CDC37: variants seen among roughly 807,000 people sequenced by gnomAD.
The protein encoded by CDC37 is cell division cycle 37, HSP90 cochaperone.
A neutral mutation model predicts 46.9 loss-of-function variants in CDC37; 9 were observed. The observed-to-expected ratio is 0.19, with a 90% confidence interval of 0.12 to 0.33. The LOEUF is 0.33. Among genes scored for constraint, CDC37 ranks in the 10% least tolerant of loss-of-function variants. The probability of loss-of-function intolerance (pLI) is 1.00; values close to 1 mark genes in which losing one functional copy is unlikely to be tolerated. For synonymous variants in CDC37, 193 were observed against 191.0 expected (o/e 1.01, Z -0.09); for missense variants, 388 against 514.6 (o/e 0.75, Z 2.38).
chr19:10,399,463 G>GGAA (rs1297984577), intron 1 of CDC37, among the ~76,000 whole-genome samples: 1,042 of 38,232 alleles, frequency 0.027, 36 homozygotes, highest in African/African-American at 0.039. Context: ...GACCCTGTCT[G>GGAA]AAAAAAAAAA....
At position 10,395,261 on chromosome 19, in the gene CDC37, C is replaced by T; in HGVS notation, c.570G>A (p.Leu190=). The change falls in exon 4 of 8, where the codon CTG becomes CTA. Residue 190 remains leucine, a synonymous_variant. Coordinates refer to ENST00000222005, the MANE Select transcript of CDC37 (RefSeq NM_007065.4). ...CCTCTAGGTCAATGCACCAAATGAC[C>T]AGGTAATTGGCTGTCTCCTCGCACA... ...HLVCEETANY[L]VIWCIDLEVE... 6.2e-7 allele frequency: 1 copy of T among 1,614,110 alleles called. No individual in the cohort carries two copies. Among genetic ancestry groups the T allele is most frequent in the South Asian group, 1.1e-5 (1 of 91,080 alleles).
intron 1 of CDC37, among the ~76,000 whole-genome samples, chr19:10,401,199 C>T (rs1472153502): frequency 6.6e-6 from 1 of 152,186 alleles, no homozygotes; most frequent in Non-Finnish European, 1.5e-5. Context: ...GCCATATTAT[C>T]CCAGGTTTCA....
At position 10,391,615 on chromosome 19, in the gene CDC37, C is replaced by T. The variant is rs543529571; in HGVS notation, c.1073G>A (p.Gly358Asp). Residue 358 changes from glycine (G) to aspartate (D), a missense_variant, in exon 8 of 8, where the codon GGT becomes GAT. By Grantham distance (94) the Gly-to-Asp change is moderately conservative. This residue lies in a region of CDC37 where 374 missense variants were observed against 467.4 expected (regional missense o/e 0.80). Coordinates refer to ENST00000222005, the MANE Select transcript of CDC37 (RefSeq NM_007065.4). Reference sequence around the variant, plus strand: ...AGCTTCCAGTAATGGGTCCCCAGGACCTGCCTCCTCTCCCTCCTTGGCCTC... The same window carrying T: ...AGCTTCCAGTAATGGGTCCCCAGGATCTGCCTCCTCTCCCTCCTTGGCCTC... ...ASEAKEGEEA[G>D]PGDPLLEAVP... The T allele has an allele frequency of 8.1e-6, 13 of 1,614,238 alleles. No individual in the cohort carries two copies. Among genetic ancestry groups the T allele is most frequent in the Admixed American group, 3.3e-5 (2 of 60,032 alleles).
rs7254501 is a variant in CDC37, at chr19:10,393,786, G to A, written c.727-345C>T. 1.3e-5 allele frequency: 3 copies of A among 239,224 alleles called. No homozygotes were observed. The highest frequency in any genetic ancestry group is 5.2e-5 in the Admixed American group (1 of 19,210). 14.8% of individuals were successfully genotyped at this position (239,224 alleles called of 1,614,324 possible). On this transcript the variant is annotated intron_variant, in intron 5 of 7. Transcript: ENST00000222005. This position sits in a 1 kb window ranked among gnomAD's most constrained non-coding sequence, Gnocchi z 4.9. ...AGGATAGCCCTGTTCCTCCAGGTAC[G>A]CAGGTTAAAAATCCTAGAGGCTAGG...
rs1466781763 is a variant in CDC37, at chr19:10,397,000, C to T, written c.103-797G>A. Among the ~76,000 whole-genome samples, 2 of 152,152 alleles carry T rather than the reference C, an allele frequency of 1.3e-5. No homozygotes were observed. The highest frequency in any genetic ancestry group is 2.9e-5 in the Non-Finnish European group (2 of 68,030). ...CCATCTGGGCTCCATGTTGCCTTAG[C>T]GAGGACCCCTTCCCCAACCACCTTC... is the stretch of plus-strand genomic sequence containing the variant. On this transcript the variant is annotated intron_variant, in intron 1 of 7. Coordinates refer to ENST00000222005, the MANE Select transcript of CDC37 (RefSeq NM_007065.4). This position sits in a 1 kb window ranked among gnomAD's most constrained non-coding sequence, Gnocchi z 5.9.
intron 2 of CDC37, 150 bp downstream of exon 2, chr19:10,395,778 C>G: frequency 4.7e-6 from 2 of 422,606 alleles, no homozygotes; most frequent in East Asian, 1.4e-4. Flanking sequence ...CCACGTGGCC[C>G]CCGTCCATCC....
At chr19:10,392,669 G>T in intron 7 of CDC37, 1 of 203,988 alleles carries the variant, frequency 4.9e-6, no homozygotes, top group Non-Finnish European at 1.0e-5. Context: ...GGGAGGTCGA[G>T]ACTGCAGCCT....
rs1317437789 is a variant in CDC37, at chr19:10,393,015, G to C, written c.981+71C>G. The C allele has an allele frequency of 7.1e-7, 1 of 1,416,274 alleles. No individual in the cohort carries two copies. The allele number at this position is 1,416,274 out of a possible 1,614,324, so 87.7% of individuals were successfully genotyped here. A position where few individuals can be genotyped will look rare whatever the true frequency, so the allele number is the denominator to read the frequency against. On this transcript the variant is annotated intron_variant, in intron 7 of 7. Transcript: ENST00000222005. This position sits in a 1 kb window ranked among gnomAD's most constrained non-coding sequence, Gnocchi z 4.9. ...GGGGCACTTTCACCAGCCGGCTTCA[G>C]AGACTTGGGACACAGGGCTGGGGGA...
In CDC37 at chr19:10,393,139, C is replaced by A. The variant is rs757086543; in HGVS notation, c.928G>T (p.Asp310Tyr). Residue 310 changes from aspartate to tyrosine, a missense_variant, in exon 7 of 8, where the codon GAT becomes TAT. Asp to Tyr is a radical substitution (Grantham distance 160). Around this residue, in one of 2 missense-constraint regions of CDC37, gnomAD observed 374 missense variants for 467.4 expected, o/e 0.80. Coordinates refer to ENST00000222005, the MANE Select transcript of CDC37 (RefSeq NM_007065.4). This position sits in a 1 kb window ranked among gnomAD's most constrained non-coding sequence, Gnocchi z 4.9. ...SLPEELQKCF[D>Y]VKDVQMLQDA... ...TGCAGCATCTGCACGTCCTTCACAT[C>A]GAAGCACTTCTGGAGTTCCTGGGGG... 16 of 1,613,882 alleles carry A rather than the reference C, an allele frequency of 9.9e-6. No homozygotes were observed. In the East Asian group the frequency reaches 2.9e-4, roughly 29 times the overall value.
In CDC37 at chr19:10,393,026, C is replaced by T; in HGVS notation, c.981+60G>A. On this transcript the variant is annotated intron_variant, in intron 7 of 7. Transcript: ENST00000222005. This position sits in a 1 kb window ranked among gnomAD's most constrained non-coding sequence, Gnocchi z 4.9. ...ACCAGCCGGCTTCAGAGACTTGGGA[C>T]ACAGGGCTGGGGGAGACACACGGCC... 2 of 1,473,024 alleles carry T rather than the reference C, an allele frequency of 1.4e-6. No homozygotes were observed. Among genetic ancestry groups the T allele is most frequent in the Non-Finnish European group, 1.9e-6 (2 of 1,051,856 alleles). The allele number at this position is 1,473,024 out of a possible 1,614,324, so 91.2% of individuals were successfully genotyped here.
At chr19:10,395,904 G>GCCCCCCCCCCCCCCCCCCCCC in intron 2 of CDC37, 24 bp downstream of exon 2, 2 of 1,541,894 alleles carry the variant, frequency 1.3e-6, no homozygotes, top group Non-Finnish European at 1.8e-6. Flanking sequence ...CATGCGCACT[G>GCCCCCCCCCCCCCCCCCCCCC]CCCGCCCCGC....
chr19:10,393,211 G>A lies in CDC37; in HGVS notation c.909+48C>T, dbSNP rs1347855912. ...GGCTGGGTCCCTGTGGCCCTGGGGG[G>A]TCCCGCTCAGGGTCTTCCTGCTGCC... On this transcript the variant is annotated intron_variant, in intron 6 of 7. Transcript: ENST00000222005. The surrounding 1 kb of genome is among the most constrained non-coding windows in gnomAD (Gnocchi z 4.9). 10 of 1,612,078 alleles carry A rather than the reference G, an allele frequency of 6.2e-6. No homozygotes were observed. The highest frequency in any genetic ancestry group is 2.2e-5 in the East Asian group (1 of 44,862).
At chr19:10,403,304 C>T (rs1332898484) in intron 1 of CDC37, 74 bp downstream of exon 1, 2 of 1,140,694 alleles carry the variant, frequency 1.8e-6, no homozygotes, top group African/African-American at 3.0e-5. Flanking sequence ...AGCGGGGTCC[C>T]TGGGCAGTAT....
chr19:10,395,166 C>T (rs992473284), intron 4 of CDC37, 23 bp from the exon 5 acceptor site: 7 of 1,609,962 alleles, frequency 4.3e-6, no homozygotes, highest in East Asian at 2.2e-5. Flanking sequence ...ACAGGCACAG[C>T]GTCACCAAGT....
Position 10,396,328 on chromosome 19 carries a change from T to A in CDC37, c.103-125A>T. 8.9e-7 allele frequency: 1 copy of A among 1,124,736 alleles called. No homozygotes were observed. The highest frequency in any genetic ancestry group is 1.6e-5 in the South Asian group (1 of 63,228). The allele number at this position is 1,124,736 out of a possible 1,614,324, so 69.7% of individuals were successfully genotyped here. A position where few individuals can be genotyped will look rare whatever the true frequency, so the allele number is the denominator to read the frequency against. On this transcript the variant is annotated intron_variant, in intron 1 of 7. Transcript: ENST00000222005. This position sits in a 1 kb window ranked among gnomAD's most constrained non-coding sequence, Gnocchi z 5.9. ...CGCGTCCACCTCCCGTGCCCTGGTCTCCCAGCTTCCGCCCCTGCGCCCACA... is the reference window on the plus strand; with the variant it reads ...CGCGTCCACCTCCCGTGCCCTGGTCACCCAGCTTCCGCCCCTGCGCCCACA...
In CDC37 at chr19:10,393,519, C is replaced by A; in HGVS notation, c.727-78G>T. Reference sequence around the variant, plus strand: ...TGGGGGGCCCAGGACCCTCCAGCCACAGCTCCTCAGAGGCGCCCCACGGTT... The same window carrying A: ...TGGGGGGCCCAGGACCCTCCAGCCAAAGCTCCTCAGAGGCGCCCCACGGTT... On this transcript the variant is annotated intron_variant, in intron 5 of 7. Transcript: ENST00000222005. The surrounding 1 kb of genome is among the most constrained non-coding windows in gnomAD (Gnocchi z 4.9). 1 of 1,441,062 alleles carries A rather than the reference C, an allele frequency of 6.9e-7. No homozygotes were observed. The highest frequency in any genetic ancestry group is 9.3e-7 in the Non-Finnish European group (1 of 1,071,712). The allele number at this position is 1,441,062 out of a possible 1,614,324, so 89.3% of individuals were successfully genotyped here. A position where few individuals can be genotyped will look rare whatever the true frequency, so the allele number is the denominator to read the frequency against.
intron 1 of CDC37, among the ~76,000 whole-genome samples, chr19:10,400,197 C>A (rs978996865): frequency 2.0e-5 from 3 of 152,036 alleles, no homozygotes; most frequent in Non-Finnish European, 4.4e-5. Context: ...AGGGGAGAAG[C>A]CACCCCAGCA....
intron 7 of CDC37, among the ~76,000 whole-genome samples, chr19:10,392,345 G>C (rs1436204733): frequency 2.0e-5 from 3 of 152,236 alleles, no homozygotes; most frequent in Admixed American, 6.5e-5. Flanking sequence ...AGTGAGTCTG[G>C]GAGCTGCGGT....
In CDC37 at chr19:10,393,069, G is replaced by A. The variant is rs751548141; in HGVS notation, c.981+17C>T. 2 of 1,611,180 alleles carry A rather than the reference G, an allele frequency of 1.2e-6. No individual in the cohort carries two copies. The highest frequency in any genetic ancestry group is 2.2e-5 in the East Asian group (1 of 44,852). On this transcript the variant is annotated intron_variant, in intron 7 of 7. Transcript: ENST00000222005. This position sits in a 1 kb window ranked among gnomAD's most constrained non-coding sequence, Gnocchi z 4.9. ...ACACGGCCCGCCGGGAAGGCATGGG[G>A]CGCGGGGGTTACTCACGGTGGGGTC... is the stretch of plus-strand genomic sequence containing the variant.
Sources: allele counts gnomAD v4.1 joint callset (sites outside exome capture counted in the v4.1 genomes callset), GRCh38; gene constraint gnomAD v4.1.1; regional missense constraint gnomAD v4.1.1; non-coding constraint Gnocchi (gnomAD v3.1); transcripts MANE v1.5; gene names NCBI Gene and HGNC (gene_info 2026-07-23, HGNC 2026-07-21).